Variants in NDRG2 observed in about 807,000 individuals in gnomAD.
The protein encoded by NDRG2 is NDRG family member 2.
In NDRG2, 34 loss-of-function variants were observed where a neutral mutation model predicts 58.2. That is an observed-to-expected ratio of 0.58 (90% CI 0.44 to 0.78). The LOEUF (loss-of-function observed/expected upper bound fraction) is 0.78, where lower values mean the gene tolerates loss of function less well. Among genes scored for constraint, NDRG2 ranks in the 30% least tolerant of loss-of-function variants. The probability of loss-of-function intolerance (pLI) is 0.00; values close to 1 mark genes in which losing one functional copy is unlikely to be tolerated. For synonymous variants in NDRG2, 187 were observed against 175.9 expected, an observed-to-expected ratio of 1.06 and a Z score of -0.50; for missense variants, 434 against 471.2, an observed-to-expected ratio of 0.92 and a Z score of 0.73.
At position 21,023,316 on chromosome 14, in the gene NDRG2, G is replaced by A. The variant is rs1408355577; in HGVS notation, c.-1C>T. On this transcript the variant is annotated 5_prime_UTR_variant, in exon 2 of 16. Coordinates refer to ENST00000556147, the MANE Select transcript of NDRG2 (RefSeq NM_001320329.2). ...TCTGCACCTCCTGCAGCTCCGCCAT[G>A]GTGGCCTGGCAGGATGAGGAAATGA... is the stretch of plus-strand genomic sequence containing the variant. 6.2e-7 allele frequency: 1 copy of A among 1,613,236 alleles called. No individual in the cohort carries two copies. The highest frequency in any genetic ancestry group is 1.1e-5 in the South Asian group (1 of 90,806).
intron 1 of NDRG2, 100 bp downstream of exon 1, chr14:21,023,930 G>A (rs943003610): frequency 3.3e-5 from 32 of 980,044 alleles, no homozygotes; most frequent in Non-Finnish European, 3.8e-5. Flanking sequence ...TCCCAACTCT[G>A]AATAAACTCC....
intron 1 of NDRG2, among the ~76,000 whole-genome samples, chr14:21,061,898 A>G (rs961793671): frequency 3.3e-5 from 5 of 152,244 alleles, no homozygotes; most frequent in African/African-American, 4.8e-5. Flanking sequence ...AAAGGTTTTT[A>G]AGTATTCAGG....
intron 1 of NDRG2, chr14:21,043,535 C>A: frequency 9.9e-7 from 1 of 1,013,580 alleles, no homozygotes; most frequent in Non-Finnish European, 1.5e-6. Context: ...TCCCCTACAC[C>A]CAGAGCATTC....
chr14:21,042,870 A>G, intron 1 of NDRG2: 1 of 793,656 alleles, frequency 1.3e-6, no homozygotes, highest in Non-Finnish European at 2.0e-6. Flanking sequence ...AGGAAAGGAG[A>G]CAACCGAGTA....
chr14:21,036,299 C>T (rs1203753275), intron 1 of NDRG2: 6 of 455,760 alleles, frequency 1.3e-5, no homozygotes, highest in Admixed American at 2.4e-5. Flanking sequence ...TCCCTTCTTT[C>T]GTCTAAAAGT....
At chr14:21,050,511 AT>A (rs1885415409) in intron 1 of NDRG2, among the ~76,000 whole-genome samples, 1 of 152,188 alleles carries the variant, frequency 6.6e-6, no homozygotes, top group South Asian at 2.1e-4. Flanking sequence ...CAGGATCTTC[AT>A]GGTCAACTAG....
At chr14:21,050,671 C>T (rs1165971383) in intron 1 of NDRG2, among the ~76,000 whole-genome samples, 1 of 152,154 alleles carries the variant, frequency 6.6e-6, no homozygotes, top group Non-Finnish European at 1.5e-5. Context: ...AATAGCCGTG[C>T]ATATGAGTGT....
chr14:21,023,508 C>T (rs1882002209), intron 1 of NDRG2, 187 bp from the exon 2 acceptor site: 1 of 596,620 alleles, frequency 1.7e-6, no homozygotes, highest in Admixed American at 2.9e-5. Context: ...TCGGTGGAAG[C>T]TTTGGAAGAG....
chr14:21,018,703 T>C lies in NDRG2; in HGVS notation c.813+60A>G, dbSNP rs964035573. The C allele has an allele frequency of 1.1e-5, 18 of 1,610,446 alleles. No individual in the cohort carries two copies. The African/African-American group carries it at 2.1e-4, about 19-fold the overall frequency. On this transcript the variant is annotated intron_variant, in intron 12 of 15. Coordinates refer to ENST00000556147, the MANE Select transcript of NDRG2 (RefSeq NM_001320329.2). ...ACATCCCCTTGGCAAGATACTCTTC[T>C]GACCACCACTTTAGGACCCCAACCC...
chr14:21,021,828 C>G lies in NDRG2; in HGVS notation c.396G>C (p.Leu132=), dbSNP rs376996019. 1.9e-6 allele frequency: 3 copies of G among 1,612,842 alleles called. No individual in the cohort carries two copies. Among genetic ancestry groups the G allele is most frequent in the Non-Finnish European group, 2.5e-6 (3 of 1,179,394 alleles). Reference sequence around the variant, plus strand: ...CCCAGGCCTCTCACTTTAGGTACTGCAGGACGCAAGGGATCATGTCTGCAA... The same window carrying G: ...CCCAGGCCTCTCACTTTAGGTACTGGAGGACGCAAGGGATCATGTCTGCAA... The part of the protein sequence containing the change: ...DQLADMIPCV[L]QYLNFSTIIG... The change falls in exon 6 of 16, where the codon CTG becomes CTC. Residue 132 remains leucine (L), a synonymous_variant. Transcript: ENST00000556147.
chr14:21,030,895 G>C, intron 1 of NDRG2: 2 of 1,506,972 alleles, frequency 1.3e-6, no homozygotes, highest in Middle Eastern at 2.4e-4. Flanking sequence ...CTTTGTCTTC[G>C]AGACACTCAC....
At chr14:21,059,031 C>T (rs535651590) in intron 1 of NDRG2, among the ~76,000 whole-genome samples, 2 of 152,358 alleles carry the variant, frequency 1.3e-5, no homozygotes, top group South Asian at 4.1e-4. Flanking sequence ...TGATTCTGTC[C>T]TCCAGCCCCT....
At chr14:21,067,846 C>CACTT (rs111536061) in intron 1 of NDRG2, among the ~76,000 whole-genome samples, 3,012 of 152,146 alleles carry the variant, frequency 0.02, 96 homozygotes, top group African/African-American at 0.068. Context: ...AACCACATGT[C>CACTT]ACTTACTTAC....
intron 1 of NDRG2, among the ~76,000 whole-genome samples, chr14:21,063,715 C>T (rs778164383): frequency 7.2e-5 from 11 of 152,120 alleles, no homozygotes; most frequent in Non-Finnish European, 1.3e-4. Flanking sequence ...ATAACAGGCA[C>T]AGGTTATGTC....
At chr14:21,046,660 C>T (rs1393462912) in intron 1 of NDRG2, among the ~76,000 whole-genome samples, 6 of 152,058 alleles carry the variant, frequency 3.9e-5, no homozygotes, top group Admixed American at 6.5e-5. Flanking sequence ...AGTGTACAGT[C>T]GAAAATCCAA....
At chr14:21,057,246 C>T (rs1196358629) in intron 1 of NDRG2, among the ~76,000 whole-genome samples, 2 of 151,954 alleles carry the variant, frequency 1.3e-5, no homozygotes, top group South Asian at 2.1e-4. Flanking sequence ...ACCAGCCTGA[C>T]CAACATGGAG....
intron 1 of NDRG2, among the ~76,000 whole-genome samples, chr14:21,047,901 G>C (rs1651964401): frequency 6.6e-6 from 1 of 152,132 alleles, no homozygotes; most frequent in African/African-American, 2.4e-5. Context: ...ACACCATGAA[G>C]AGGGCCAACA....
Position 21,022,477 on chromosome 14 carries a change from T to C in NDRG2, c.138A>G (p.Pro46=), listed in dbSNP as rs1881081843. 3 of 1,613,838 alleles carry C rather than the reference T, an allele frequency of 1.9e-6. No individual in the cohort carries two copies. The highest frequency in any genetic ancestry group is 2.2e-5 in the South Asian group (2 of 91,074). ...DQGQTHSVET[P]YGSVTFTVYG... ...AGACAGTGAAAGTGACAGAGCCGTA[T>C]GGTGTCTCCACAGAGTGAGTCTGCA... Residue 46 remains proline, a synonymous_variant, in exon 4 of 16, where the codon CCA becomes CCG. Transcript: ENST00000556147.
intron 1 of NDRG2, among the ~76,000 whole-genome samples, chr14:21,036,936 G>C (rs1217612414): frequency 6.6e-6 from 1 of 152,248 alleles, no homozygotes; most frequent in Non-Finnish European, 1.5e-5. Context: ...GGTGTCGCCT[G>C]AGCCTGGCTG....
Sources: gnomAD v4.1 joint callset for allele counts (sites outside exome capture counted in the v4.1 genomes callset) on GRCh38, gnomAD v4.1.1 for gene constraint, MANE v1.5 for transcripts, NCBI Gene and HGNC (gene_info 2026-07-23, HGNC 2026-07-21) for gene names.